The following C2CD2L variants were observed in gnomAD, a reference collection of about 807,000 sequenced individuals.
C2CD2L encodes phospholipid transfer protein C2CD2L.
In C2CD2L, 24 loss-of-function variants were observed where a neutral mutation model predicts 69.9. That is an observed-to-expected ratio of 0.34 (90% CI 0.25 to 0.48). C2CD2L has a LOEUF of 0.48. Among genes scored for constraint, C2CD2L ranks in the 20% least tolerant of loss-of-function variants. The pLI is 0.99. For missense variants in C2CD2L, 811 were observed against 941.5 expected, an observed-to-expected ratio of 0.86 and a Z score of 1.81; for synonymous variants, 367 against 391.0, an observed-to-expected ratio of 0.94 and a Z score of 0.72.
In C2CD2L at chr11:119,107,827, G is replaced by T; in HGVS notation, c.86G>T (p.Trp29Leu). 1 of 1,553,692 alleles carries T rather than the reference G, an allele frequency of 6.4e-7. No homozygotes were observed. The highest frequency in any genetic ancestry group is 8.6e-7 in the Non-Finnish European group (1 of 1,161,074). ...GCCTCGCTGCTCACGGTGTTCGCCT[G>T]GCTGCTGCAATATGCCCGGGGCTTG... ...FAASLLTVFA[W>L]LLQYARGLWL... The change falls in exon 1 of 14, where the codon TGG becomes TTG. Residue 29 changes from tryptophan (W) to leucine (L), a missense_variant. Transcript: ENST00000648610. The surrounding 1 kb of genome is among the most constrained non-coding windows in gnomAD (Gnocchi z 5.4).
rs1946911129 is a variant in C2CD2L, at chr11:119,116,988, G to C, written c.*732G>C. On this transcript the variant is annotated 3_prime_UTR_variant, in exon 14 of 14. Transcript: ENST00000648610. Reference sequence around the variant, plus strand: ...AGCCTTCCCCAGAGAGATGGCTTTAGGGGCTTTATTTAAAGACTGTGATGA... The same window carrying C: ...AGCCTTCCCCAGAGAGATGGCTTTACGGGCTTTATTTAAAGACTGTGATGA... The C allele has an allele frequency of 6.6e-6, 1 of 152,670 alleles. No homozygotes were observed. Among genetic ancestry groups the C allele is most frequent in the Admixed American group, 6.6e-5 (1 of 15,188 alleles). The allele number at this position is 152,670 out of a possible 1,614,324, so 9.5% of individuals were successfully genotyped here. A position where few individuals can be genotyped will look rare whatever the true frequency, so the allele number is the denominator to read the frequency against.
upstream of C2CD2L, among the ~76,000 whole-genome samples, chr11:119,104,833 T>C (rs1185611759): frequency 6.6e-6 from 1 of 152,248 alleles, no homozygotes; most frequent in Non-Finnish European, 1.5e-5. Context: ...ATGAGACCCC[T>C]CTGGATAGTC....
chr11:119,113,465 C>A, intron 10 of C2CD2L, 146 bp from the exon 11 acceptor site: 4 of 1,259,390 alleles, frequency 3.2e-6, no homozygotes, highest in Middle Eastern at 2.8e-4. Context: ...GTCCCCACGG[C>A]ATCTTCCTAA....
chr11:119,106,154 A>C (rs528952164), upstream of C2CD2L, among the ~76,000 whole-genome samples: 19 of 152,310 alleles, frequency 1.2e-4, no homozygotes, highest in South Asian at 3.9e-3. Flanking sequence ...AGGCTACCCC[A>C]CCACCTCCTC....
Position 119,117,725 on chromosome 11 carries a change from G to A in C2CD2L, c.*1469G>A, listed in dbSNP as rs1946927670. On this transcript the variant is annotated 3_prime_UTR_variant, in exon 14 of 14. Coordinates refer to ENST00000648610, the MANE Select transcript of C2CD2L (RefSeq NM_001290474.2). ...CTAGCAAACTGTGTCCCTGGTTCCC[G>A]TGCTTGAGATCTTATACAGGACTTG... 1.3e-5 allele frequency: 2 copies of A among 152,172 alleles called. No individual in the cohort carries two copies. Among genetic ancestry groups the A allele is most frequent in the African/African-American group, 4.8e-5 (2 of 41,440 alleles). 9.4% of individuals were successfully genotyped at this position (152,172 alleles called of 1,614,324 possible). A position where few individuals can be genotyped will look rare whatever the true frequency, so the allele number is the denominator to read the frequency against.
In C2CD2L at chr11:119,109,834, G is replaced by A. The variant is rs1357990228; in HGVS notation, c.355-270G>A. Among the ~76,000 whole-genome samples the A allele has an allele frequency of 6.6e-6, 1 of 152,154 alleles. No individual in the cohort carries two copies. The highest frequency in any genetic ancestry group is 2.4e-5 in the African/African-American group (1 of 41,428). On this transcript the variant is annotated intron_variant, in intron 1 of 13. Transcript: ENST00000648610. The surrounding 1 kb of genome is among the most constrained non-coding windows in gnomAD (Gnocchi z 5.1). ...AAGAAGGAAGCTCTTGGTATTCCAG[G>A]AGGAAGCCAGGGTCTTCAGCTTAAG...
rs777364134 is a variant in C2CD2L at position 119,116,038 on chromosome 11, C to T, written c.1910-7C>T. On this transcript the variant is annotated splice_polypyrimidine_tract_variant and splice_region_variant and intron_variant, in intron 13 of 13. Transcript: ENST00000648610. ...TCTCTGCCTCAGCTTCCCCTCTTCC[C>T]CTGCAGTGAGTTTCCTGCGCAGCGG... The T allele has an allele frequency of 3.1e-6, 5 of 1,613,366 alleles. No individual in the cohort carries two copies. The South Asian group carries it at 3.3e-5, about 11-fold the overall frequency.
At position 119,112,902 on chromosome 11, in the gene C2CD2L, C is replaced by T. The variant is rs553430911; in HGVS notation, c.1387+28C>T. The T allele has an allele frequency of 1.9e-6, 3 of 1,606,300 alleles. No homozygotes were observed. The African/African-American group carries it at 4.0e-5, about 21-fold the overall frequency. ...AAAGAGAAGGAGCCTGGGAGCCCAG[C>T]TCTAGCCAGGGGCCCGGGACTGCAG... is the stretch of plus-strand genomic sequence containing the variant. On this transcript the variant is annotated intron_variant, in intron 10 of 13. Coordinates refer to ENST00000648610, the MANE Select transcript of C2CD2L (RefSeq NM_001290474.2).
intron 13 of C2CD2L, chr11:119,115,299 C>T (rs1285570508): frequency 6.6e-6 from 1 of 152,210 alleles, no homozygotes; most frequent in Non-Finnish European, 1.5e-5. Flanking sequence ...TCAATCTGCA[C>T]CCTCTCCCCA....
intron 10 of C2CD2L, chr11:119,113,100 C>A: frequency 1.7e-6 from 1 of 584,398 alleles, no homozygotes; most frequent in East Asian, 2.9e-5. Context: ...CCTTCTGGAT[C>A]CTCCTGCCCC....
rs754156090 is a variant in C2CD2L at position 119,113,904 on chromosome 11, T to C, written c.1539T>C (p.Ile513=). 1 of 1,614,132 alleles carries C rather than the reference T, an allele frequency of 6.2e-7. No homozygotes were observed. Among genetic ancestry groups the C allele is most frequent in the East Asian group, 2.2e-5 (1 of 44,872 alleles). Residue 513 remains isoleucine, a synonymous_variant, in exon 12 of 14, where the codon ATT becomes ATC. Transcript: ENST00000648610. The part of the protein sequence containing the change: ...NGLDPVAETA[I]RQLTEPSGRV... ...TGGACCCTGTAGCAGAGACAGCGAT[T>C]CGCCAGCTGACAGAGCCCAGTGGGC...
upstream of C2CD2L, among the ~76,000 whole-genome samples, chr11:119,103,678 C>G (rs1474862384): frequency 3.1e-5 from 1 of 32,776 alleles, no homozygotes; most frequent in Non-Finnish European, 7.3e-5. Context: ...GCCTGGGCAA[C>G]AGAGGGGAAA....
At chr11:119,104,515 C>T (rs553678598), upstream of C2CD2L, among the ~76,000 whole-genome samples, 407 of 152,262 alleles carry the variant, frequency 2.7e-3, 2 homozygotes, top group African/African-American at 8.4e-3. Flanking sequence ...TTTTTGTTCC[C>T]ATGATGATAA....
chr11:119,111,630 G>A lies in C2CD2L; in HGVS notation c.1019+1G>A. On this transcript the variant is annotated splice_donor_variant, in intron 7 of 13. Transcript: ENST00000648610. LOFTEE classifies it high-confidence loss of function. Reference sequence around the variant, plus strand: ...TGGAGTGGACAGAAGACCTGGCACTGTAAGGAGTAACCCTGCCCCGACCCC... The same window carrying A: ...TGGAGTGGACAGAAGACCTGGCACTATAAGGAGTAACCCTGCCCCGACCCC... 6.2e-7 allele frequency: 1 copy of A among 1,606,590 alleles called. No individual in the cohort carries two copies. The highest frequency in any genetic ancestry group is 8.5e-7 in the Non-Finnish European group (1 of 1,174,172).
chr11:119,114,051 T>C lies in C2CD2L; in HGVS notation c.1624-29T>C, dbSNP rs1592243365. ...AAAGCCCTAATGGGTCGGTCACTCC[T>C]GCCCATTAAAACCCGTCCCTCCTGC... On this transcript the variant is annotated intron_variant, in intron 12 of 13. Coordinates refer to ENST00000648610, the MANE Select transcript of C2CD2L (RefSeq NM_001290474.2). This position sits in a 1 kb window ranked among gnomAD's most constrained non-coding sequence, Gnocchi z 5.1. 5 of 1,613,862 alleles carry C rather than the reference T, an allele frequency of 3.1e-6. No homozygotes were observed. In the East Asian group the frequency reaches 1.1e-4, roughly 36 times the overall value.
In C2CD2L at chr11:119,109,561, A is replaced by C. The variant is rs1946682792; in HGVS notation, c.355-543A>C. Among the ~76,000 whole-genome samples, 1 of 152,148 alleles carries C rather than the reference A, an allele frequency of 6.6e-6. No homozygotes were observed. The highest frequency in any genetic ancestry group is 1.5e-5 in the Non-Finnish European group (1 of 68,024). On this transcript the variant is annotated intron_variant, in intron 1 of 13. Coordinates refer to ENST00000648610, the MANE Select transcript of C2CD2L (RefSeq NM_001290474.2). This position sits in a 1 kb window ranked among gnomAD's most constrained non-coding sequence, Gnocchi z 5.1. ...CTCATCTTCATCTCCAAGAATATGA[A>C]GCATCATACTCTTGAAGCCTCCACA...
At chr11:119,112,037 G>T (rs765190577) in intron 7 of C2CD2L, 9 of 488,316 alleles carry the variant, frequency 1.8e-5, no homozygotes, top group African/African-American at 3.9e-5. Context: ...CTCGGCAGAG[G>T]GAAGAGCTGG....
rs775979236 is a variant in C2CD2L, at chr11:119,112,711, G to T, written c.1224G>T (p.Glu408Asp). 1.7e-5 allele frequency: 28 copies of T among 1,613,466 alleles called. No individual in the cohort carries two copies. The highest frequency in any genetic ancestry group is 2.4e-5 in the Non-Finnish European group (28 of 1,179,722). Reference sequence around the variant, plus strand: ...CCACCCCTGGGCAGCTTCACTATGAGGAGGGCTCTCCCCGGAACCTGGGTA... The same window carrying T: ...CCACCCCTGGGCAGCTTCACTATGATGAGGGCTCTCCCCGGAACCTGGGTA... ...AATMAVELHY[E>D]EGSPRNLGTP... Residue 408 changes from glutamate (E) to aspartate (D), a missense_variant, in exon 10 of 14, where the codon GAG becomes GAT. Glu to Asp is a conservative substitution (Grantham distance 45, BLOSUM62 2). Coordinates refer to ENST00000648610, the MANE Select transcript of C2CD2L (RefSeq NM_001290474.2).
rs1301278615 is a variant in C2CD2L at position 119,108,067 on chromosome 11, C to G, written c.326C>G (p.Ala109Gly). The change falls in exon 1 of 14, where the codon GCG becomes GGG. Residue 109 changes from alanine to glycine, a missense_variant. By Grantham distance (60) the Ala-to-Gly change is moderately conservative. Coordinates refer to ENST00000648610, the MANE Select transcript of C2CD2L (RefSeq NM_001290474.2). ...AACTGGCAGCGGGCTTGGGTGCGAG[C>G]GCTGAACGAGCAGGCCTGCAGAAAC... ...RENWQRAWVRALNEQACRNGS... is the reference protein window; with the variant it reads ...RENWQRAWVRGLNEQACRNGS... 1.3e-6 allele frequency: 2 copies of G among 1,598,832 alleles called. No individual in the cohort carries two copies. Among genetic ancestry groups the G allele is most frequent in the African/African-American group, 1.4e-5 (1 of 72,672 alleles).
Sources: allele counts gnomAD v4.1 joint callset (sites outside exome capture counted in the v4.1 genomes callset), GRCh38; gene constraint gnomAD v4.1.1; non-coding constraint Gnocchi (gnomAD v3.1); transcripts MANE v1.5; gene names NCBI Gene and HGNC (gene_info 2026-07-23, HGNC 2026-07-21).